Variants in DNAH7 observed in about 807,000 individuals in gnomAD.
DNAH7 encodes dynein axonemal heavy chain 7.
DNAH7 carries 397 observed loss-of-function variants against 444.6 expected under a neutral mutation model. That is an observed-to-expected ratio of 0.89 (90% confidence interval 0.82 to 0.97). The LOEUF (loss-of-function observed/expected upper bound fraction) is 0.97, where lower values mean the gene tolerates loss of function less well. Ranked by LOEUF, DNAH7 falls within the 50% of genes least tolerant of loss-of-function variation. DNAH7 has a pLI of 0.00. For synonymous variants in DNAH7, 1,636 were observed against 1,624.4 expected (o/e 1.01, Z -0.17); for missense variants, 4,902 against 4,800.8 (o/e 1.02, Z -0.62).
intron 19 of DNAH7, among the ~76,000 whole-genome samples, chr2:195,953,295 C>T (rs1013294248): frequency 6.6e-6 from 1 of 152,172 alleles, no homozygotes; most frequent in African/African-American, 2.4e-5. Context: ...CTGCCTATTC[C>T]TTCCTCTGGA....
intron 21 of DNAH7, among the ~76,000 whole-genome samples, chr2:195,928,245 G>C (rs1466693709): frequency 1.3e-5 from 2 of 152,078 alleles, no homozygotes; most frequent in Non-Finnish European, 2.9e-5. Context: ...TGCTACAAAG[G>C]ACATGATTCC....
intron 46 of DNAH7, among the ~76,000 whole-genome samples, chr2:195,851,996 C>T (rs1029251433): frequency 1.3e-5 from 2 of 152,088 alleles, no homozygotes; most frequent in African/African-American, 2.4e-5. Context: ...CGGTGGCTCA[C>T]GCCTGTAATC....
intron 18 of DNAH7, among the ~76,000 whole-genome samples, chr2:195,958,780 T>A (rs553561857): frequency 6.6e-6 from 1 of 152,350 alleles, no homozygotes; most frequent in Admixed American, 6.5e-5. Context: ...CATTATCATG[T>A]CAACCCTATG....
chr2:195,861,392 G>C (rs984701891), intron 42 of DNAH7, among the ~76,000 whole-genome samples: 1 of 152,246 alleles, frequency 6.6e-6, no homozygotes, highest in East Asian at 1.9e-4. Flanking sequence ...TATTCAAAGA[G>C]AGGGTTTAAC....
chr2:195,900,160 T>A, intron 28 of DNAH7, 122 bp downstream of exon 28: 1 of 1,085,772 alleles, frequency 9.2e-7, no homozygotes, highest in Non-Finnish European at 1.3e-6. Flanking sequence ...ATTTTTGGTT[T>A]AATAATTGAT....
chr2:196,013,349 C>CA (rs148311777), intron 9 of DNAH7, among the ~76,000 whole-genome samples: 2,732 of 152,206 alleles, frequency 0.018, 77 homozygotes, highest in African/African-American at 0.062. Flanking sequence ...ACCAGTATAT[C>CA]AAACTCTTTT....
chr2:195,809,182 A>C (rs1177875068), intron 52 of DNAH7, among the ~76,000 whole-genome samples: 1 of 152,244 alleles, frequency 6.6e-6, no homozygotes, highest in Non-Finnish European at 1.5e-5. Context: ...ATGACTGCCT[A>C]GAGCCCTATT....
chr2:195,817,834 A>C lies in DNAH7; in HGVS notation c.9292-5T>G. 1.3e-6 allele frequency: 2 copies of C among 1,557,498 alleles called. No individual in the cohort carries two copies. The highest frequency in any genetic ancestry group is 1.7e-6 in the Non-Finnish European group (2 of 1,154,690). ...CATGAAGTTTAATAATGTTACCTAT[A>C]AATGAAAAAATATACAAAAATTACA... On this transcript the variant is annotated splice_region_variant and splice_polypyrimidine_tract_variant and intron_variant, in intron 49 of 64. Coordinates refer to ENST00000312428, the MANE Select transcript of DNAH7 (RefSeq NM_018897.3).
At chr2:195,970,176 C>T in intron 16 of DNAH7, 82 bp from the exon 17 acceptor site, 1 of 1,296,608 alleles carries the variant, frequency 7.7e-7, no homozygotes, top group Non-Finnish European at 1.0e-6. Flanking sequence ...TAGGAGTTAT[C>T]AGAATTATTA....
intron 5 of DNAH7, 24 bp from the exon 6 acceptor site, chr2:196,028,071 T>C: frequency 6.3e-7 from 1 of 1,592,814 alleles, no homozygotes; most frequent in Non-Finnish European, 8.6e-7. Context: ...AAACATACTA[T>C]TCAAAAGTAG....
At chr2:196,054,017 A>C (rs968894653) in intron 2 of DNAH7, among the ~76,000 whole-genome samples, 1 of 152,190 alleles carries the variant, frequency 6.6e-6, no homozygotes, top group Admixed American at 6.5e-5. Context: ...AGCAAGGCCT[A>C]ATCTTTGTTG....
At chr2:195,783,843 C>T (rs968194417) in intron 58 of DNAH7, among the ~76,000 whole-genome samples, 4 of 152,108 alleles carry the variant, frequency 2.6e-5, no homozygotes, top group African/African-American at 7.2e-5. Context: ...AACAGAATAA[C>T]CACCAAATTA....
intron 55 of DNAH7, among the ~76,000 whole-genome samples, chr2:195,797,347 G>A (rs149778860): frequency 1.2e-4 from 19 of 152,288 alleles, no homozygotes; most frequent in Non-Finnish European, 1.5e-4. Context: ...GCCTGGATAC[G>A]GAAGAGTGGG....
chr2:195,768,563 T>G (rs1320307503), intron 61 of DNAH7, among the ~76,000 whole-genome samples: 2 of 151,936 alleles, frequency 1.3e-5, no homozygotes, highest in African/African-American at 4.8e-5. Flanking sequence ...TATATATATT[T>G]AGGATAAAGA....
In DNAH7 at chr2:195,771,847, A is replaced by G; in HGVS notation, c.11246T>C (p.Val3749Ala). 1 of 1,614,180 alleles carries G rather than the reference A, an allele frequency of 6.2e-7. No homozygotes were observed. The highest frequency in any genetic ancestry group is 8.5e-7 in the Non-Finnish European group (1 of 1,180,022). ...CAAGATGTCACTAGCGACCTCATTC[A>G]CTACTTCATCTGATGATTTTGCACC... ...GAGAKSSDEVVNEVASDILGK... is the reference protein window; with the variant it reads ...GAGAKSSDEVANEVASDILGK... The change falls in exon 61 of 65, where the codon GTG becomes GCG. Residue 3749 changes from valine (V) to alanine (A), a missense_variant. By Grantham distance (64) the Val-to-Ala change is moderately conservative. Coordinates refer to ENST00000312428, the MANE Select transcript of DNAH7 (RefSeq NM_018897.3).
chr2:195,910,858 GC>G (rs1235783929), intron 24 of DNAH7, among the ~76,000 whole-genome samples: 2 of 152,184 alleles, frequency 1.3e-5, no homozygotes, highest in African/African-American at 4.8e-5. Flanking sequence ...TATCCTTCAT[GC>G]GGGGCCTGAT....
intron 46 of DNAH7, among the ~76,000 whole-genome samples, chr2:195,847,932 G>A (rs1046599211): frequency 5.9e-5 from 9 of 152,162 alleles, no homozygotes; most frequent in African/African-American, 2.2e-4. Context: ...AGGAACCCGG[G>A]CGGTACTACA....
At chr2:196,044,085 T>C (rs1247892798) in intron 5 of DNAH7, among the ~76,000 whole-genome samples, 1 of 151,854 alleles carries the variant, frequency 6.6e-6, no homozygotes, top group East Asian at 1.9e-4. Flanking sequence ...AGTCATTATA[T>C]AAAAAAGACA....
chr2:195,823,349 C>T (rs773880114), intron 49 of DNAH7, among the ~76,000 whole-genome samples: 1 of 152,190 alleles, frequency 6.6e-6, no homozygotes, highest in South Asian at 2.1e-4. Context: ...TCCGCTGTGT[C>T]TTCCTAGTCA....
Sources: gnomAD v4.1 joint callset for allele counts (sites outside exome capture counted in the v4.1 genomes callset) on GRCh38, gnomAD v4.1.1 for gene constraint, MANE v1.5 for transcripts, NCBI Gene and HGNC (gene_info 2026-07-23, HGNC 2026-07-21) for gene names.